The following APAF1 variants were observed in gnomAD, a reference collection of about 807,000 sequenced individuals.
The protein encoded by APAF1 is apoptotic protease-activating factor 1.
APAF1 carries 91 observed loss-of-function variants against 152.4 expected under a neutral mutation model. The ratio of observed to expected loss-of-function variants is 0.60; its 90% CI spans 0.50 to 0.71. APAF1 has a LOEUF of 0.71. Among genes scored for constraint, APAF1 ranks in the 30% least tolerant of loss-of-function variants. APAF1 has a pLI of 0.00. For missense variants in APAF1, 1,283 were observed against 1,472.0 expected, an observed-to-expected ratio of 0.87 and a Z score of 2.10; for synonymous variants, 484 against 494.1, an observed-to-expected ratio of 0.98 and a Z score of 0.27.
chr12:98,671,296 C>T (rs1047895355), intron 11 of APAF1, among the ~76,000 whole-genome samples: 1 of 151,786 alleles, frequency 6.6e-6, no homozygotes, highest in African/African-American at 2.4e-5. Flanking sequence ...ATAAGATGTT[C>T]AGTGGTTTTT....
rs962459517 is a variant in APAF1 at position 98,645,997 on chromosome 12, T to G, written c.-42+162T>G. On this transcript the variant is annotated intron_variant, in intron 1 of 26. Coordinates refer to ENST00000551964, the MANE Select transcript of APAF1 (RefSeq NM_181861.2). Reference sequence around the variant, plus strand: ...ATGAGGAAGTAGTAAACTTGGGGTTTTCGTGGATAAACGTGCGCTGTTTTC... The same window carrying G: ...ATGAGGAAGTAGTAAACTTGGGGTTGTCGTGGATAAACGTGCGCTGTTTTC... Among the ~76,000 whole-genome samples the G allele has an allele frequency of 2.6e-5, 4 of 152,222 alleles. No homozygotes were observed. The South Asian group carries it at 8.3e-4, about 31-fold the overall frequency.
chr12:98,731,571 T>C (rs2097761591), intron 26 of APAF1, among the ~76,000 whole-genome samples: 3 of 152,342 alleles, frequency 2.0e-5, no homozygotes, highest in South Asian at 2.1e-4. Flanking sequence ...CTATTACTAA[T>C]AGTGAACATG....
intron 4 of APAF1, among the ~76,000 whole-genome samples, chr12:98,658,621 G>A (rs1450762265): frequency 6.6e-6 from 1 of 152,156 alleles, no homozygotes; most frequent in Non-Finnish European, 1.5e-5. Flanking sequence ...ACCATAATGG[G>A]TGAGTTATAT....
chr12:98,656,743 C>T (rs991565307), intron 4 of APAF1, among the ~76,000 whole-genome samples: 7 of 152,200 alleles, frequency 4.6e-5, no homozygotes, highest in African/African-American at 1.7e-4. Flanking sequence ...TCTCCATAAC[C>T]TTCTTAAGTG....
chr12:98,732,674 T>C lies in APAF1; in HGVS notation c.*108T>C. The C allele has an allele frequency of 1.4e-6, 1 of 737,874 alleles. No individual in the cohort carries two copies. The highest frequency in any genetic ancestry group is 2.2e-6 in the Non-Finnish European group (1 of 449,988). 45.7% of individuals were successfully genotyped at this position (737,874 alleles called of 1,614,324 possible). ...TATAAAGCTCTTAATTGTTGTGCAG[T>C]ATTGCATTCATTACAAAAGTGTTTG... On this transcript the variant is annotated 3_prime_UTR_variant, in exon 27 of 27. Coordinates refer to ENST00000551964, the MANE Select transcript of APAF1 (RefSeq NM_181861.2).
intron 20 of APAF1, 29 bp from the exon 21 acceptor site, chr12:98,712,290 A>T: frequency 1.5e-6 from 2 of 1,312,702 alleles, no homozygotes; most frequent in Non-Finnish European, 2.2e-6. Context: ...TTACAGCCTA[A>T]TAACTGATTT....
intron 16 of APAF1, among the ~76,000 whole-genome samples, chr12:98,698,696 G>A (rs1261468526): frequency 6.6e-6 from 1 of 152,122 alleles, no homozygotes; most frequent in African/African-American, 2.4e-5. Context: ...CCTTCTCCGT[G>A]GCCAACCTTT....
In APAF1 at chr12:98,664,043, C is replaced by T. The variant is rs185088412; in HGVS notation, c.955+1237C>T. Among the ~76,000 whole-genome samples, 16 of 151,554 alleles carry T rather than the reference C, an allele frequency of 1.1e-4. No individual in the cohort carries two copies. The East Asian group carries it at 2.9e-3, about 28-fold the overall frequency. ...TATTTATTTTATTTATTTTTTGAGACGAGTCTCACTCTGTCGCCCAGGCTG... is the reference window on the plus strand; with the variant it reads ...TATTTATTTTATTTATTTTTTGAGATGAGTCTCACTCTGTCGCCCAGGCTG... On this transcript the variant is annotated intron_variant, in intron 7 of 26. Transcript: ENST00000551964.
At chr12:98,712,185 C>CT in intron 20 of APAF1, 134 bp from the exon 21 acceptor site, 1 of 696,168 alleles carries the variant, frequency 1.4e-6, no homozygotes. Context: ...TAGGATATGG[C>CT]TTGTTGTTCC....
rs1415921801 is a variant in APAF1, at chr12:98,716,841, T to G, written c.3084+1289T>G. Among the ~76,000 whole-genome samples, 5 of 152,264 alleles carry G rather than the reference T, an allele frequency of 3.3e-5. No individual in the cohort carries two copies. In the East Asian group the frequency reaches 7.7e-4, roughly 24 times the overall value. Reference sequence around the variant, plus strand: ...TCTAGTTTTCTTTTTCCACATTTCATCTTTCTATAGTGTGCTTTATGTTTT... The same window carrying G: ...TCTAGTTTTCTTTTTCCACATTTCAGCTTTCTATAGTGTGCTTTATGTTTT... On this transcript the variant is annotated intron_variant, in intron 22 of 26. Coordinates refer to ENST00000551964, the MANE Select transcript of APAF1 (RefSeq NM_181861.2).
At chr12:98,717,071 T>C (rs959932872) in intron 22 of APAF1, among the ~76,000 whole-genome samples, 7 of 152,008 alleles carry the variant, frequency 4.6e-5, no homozygotes, top group Non-Finnish European at 8.8e-5. Context: ...GATTCCACCA[T>C]GCTGGCCAGG....
chr12:98,649,751 C>T, intron 4 of APAF1, 67 bp downstream of exon 4: 1 of 1,356,188 alleles, frequency 7.4e-7, no homozygotes, highest in Non-Finnish European at 1.0e-6. Flanking sequence ...TATGATATAT[C>T]AATACGTGAT....
At chr12:98,653,331 G>A (rs2097651267) in intron 4 of APAF1, among the ~76,000 whole-genome samples, 1 of 151,842 alleles carries the variant, frequency 6.6e-6, no homozygotes, top group Admixed American at 6.6e-5. Flanking sequence ...TTTTCTTTGG[G>A]TGGTGATTGG....
At chr12:98,732,180 T>C (rs773205052) in intron 26 of APAF1, among the ~76,000 whole-genome samples, 3 of 152,186 alleles carry the variant, frequency 2.0e-5, no homozygotes, top group Non-Finnish European at 4.4e-5. Context: ...TGCATGTTTC[T>C]CCAGCACAAC....
At chr12:98,713,305 A>G in intron 21 of APAF1, among the ~76,000 whole-genome samples, 1 of 152,208 alleles carries the variant, frequency 6.6e-6, no homozygotes, top group East Asian at 1.9e-4. Flanking sequence ...CACATATATC[A>G]AATACTATCT....
In APAF1 at chr12:98,649,517, C is replaced by T. The variant is rs2097646309; in HGVS notation, c.359C>T (p.Pro120Leu). The stretch of plus-strand genomic sequence containing the variant: ...ACAGTCCTGTGTGAAGGTGGAGTAC[C>T]ACAGAGGCCAGTTGTTTTTGTCACA... ...VRTVLCEGGV[P>L]QRPVVFVTRK... The change falls in exon 4 of 27, where the codon CCA becomes CTA. Residue 120 changes from proline (P) to leucine (L), a missense_variant. Coordinates refer to ENST00000551964, the MANE Select transcript of APAF1 (RefSeq NM_181861.2). 3 of 1,613,950 alleles carry T rather than the reference C, an allele frequency of 1.9e-6. No individual in the cohort carries two copies. The highest frequency in any genetic ancestry group is 2.5e-6 in the Non-Finnish European group (3 of 1,180,032).
chr12:98,732,627 T>C lies in APAF1; in HGVS notation c.*61T>C. On this transcript the variant is annotated 3_prime_UTR_variant, in exon 27 of 27. Coordinates refer to ENST00000551964, the MANE Select transcript of APAF1 (RefSeq NM_181861.2). ...TTTTTGAATTGGAAAAAAATTCTAA[T>C]GAAACCCTGATATCAACTTTTTATA... is the stretch of plus-strand genomic sequence containing the variant. 5 of 1,147,442 alleles carry C rather than the reference T, an allele frequency of 4.4e-6. No homozygotes were observed. The highest frequency in any genetic ancestry group is 6.3e-6 in the Non-Finnish European group (5 of 788,054). 71.1% of individuals were successfully genotyped at this position (1,147,442 alleles called of 1,614,324 possible). A position where few individuals can be genotyped will look rare whatever the true frequency, so the allele number is the denominator to read the frequency against.
intron 4 of APAF1, among the ~76,000 whole-genome samples, chr12:98,658,610 A>G (rs1487384522): frequency 4.6e-5 from 7 of 152,312 alleles, no homozygotes; most frequent in African/African-American, 1.7e-4. Flanking sequence ...TGTATAAGAA[A>G]ACCATAATGG....
chr12:98,656,909 A>G (rs1178077168), intron 4 of APAF1, among the ~76,000 whole-genome samples: 1 of 152,264 alleles, frequency 6.6e-6, no homozygotes, highest in East Asian at 1.9e-4. Flanking sequence ...CTATTGATGT[A>G]ATCACCGTCT....
Sources: allele counts gnomAD v4.1 joint callset (sites outside exome capture counted in the v4.1 genomes callset), GRCh38; gene constraint gnomAD v4.1.1; transcripts MANE v1.5; gene names NCBI Gene and HGNC (gene_info 2026-07-23, HGNC 2026-07-21).